TRHDE: variants seen among roughly 807,000 people sequenced by gnomAD.
The protein encoded by TRHDE is thyrotropin-releasing hormone-degrading ectoenzyme.
TRHDE carries 72 observed loss-of-function variants against 125.7 expected under a neutral mutation model. The ratio of observed to expected loss-of-function variants is 0.57; its 90% CI spans 0.47 to 0.70. TRHDE has a LOEUF of 0.70. TRHDE is among the 30% of genes least tolerant of loss of function. The pLI, the probability that TRHDE is intolerant of heterozygous loss-of-function variation, is 0.00. For synonymous variants in TRHDE, 509 were observed against 509.1 expected, an observed-to-expected ratio of 1.00 and a Z score of 0.00; for missense variants, 1,110 against 1,327.1, an observed-to-expected ratio of 0.84 and a Z score of 2.54.
intron 2 of TRHDE, among the ~76,000 whole-genome samples, chr12:72,318,788 A>G (rs187140365): frequency 9.9e-5 from 15 of 152,266 alleles, no homozygotes; most frequent in Admixed American, 5.9e-4. Context: ...ATATGAAATA[A>G]TAAGTACTTA....
intron 2 of TRHDE, among the ~76,000 whole-genome samples, chr12:72,245,983 A>G (rs935634853): frequency 1.3e-5 from 2 of 152,150 alleles, no homozygotes; most frequent in Non-Finnish European, 2.9e-5. Context: ...ACTATATTTA[A>G]CCATCACTAT....
chr12:72,519,664 C>T (rs1477904842), intron 6 of TRHDE, among the ~76,000 whole-genome samples: 3 of 152,328 alleles, frequency 2.0e-5, no homozygotes, highest in Admixed American at 6.5e-5. Flanking sequence ...ATTCTCCGTC[C>T]AGCTTTATTC....
chr12:72,348,904 T>G (rs1870453422), intron 2 of TRHDE, among the ~76,000 whole-genome samples: 1 of 152,084 alleles, frequency 6.6e-6, no homozygotes, highest in Non-Finnish European at 1.5e-5. Context: ...CTTTTTTTGC[T>G]AATAGATTTT....
At chr12:72,301,881 G>A (rs1422661919) in intron 2 of TRHDE, among the ~76,000 whole-genome samples, 1 of 152,134 alleles carries the variant, frequency 6.6e-6, no homozygotes, top group African/African-American at 2.4e-5. Flanking sequence ...CTTAAAAAAG[G>A]TCATTTGCAA....
intron 6 of TRHDE, among the ~76,000 whole-genome samples, chr12:72,531,154 G>T (rs1218137782): frequency 6.6e-6 from 1 of 151,930 alleles, no homozygotes; most frequent in Non-Finnish European, 1.5e-5. Context: ...TCAAAATTTT[G>T]TCTGGTCAGT....
intron 3 of TRHDE, among the ~76,000 whole-genome samples, chr12:72,464,912 T>C (rs1876297146): frequency 6.6e-6 from 1 of 152,178 alleles, no homozygotes; most frequent in Admixed American, 6.5e-5. Flanking sequence ...CATTCACTAG[T>C]ATTATATGAA....
chr12:72,468,907 G>A (rs1345871046), intron 3 of TRHDE, among the ~76,000 whole-genome samples: 4 of 152,130 alleles, frequency 2.6e-5, no homozygotes, highest in Non-Finnish European at 5.9e-5. Context: ...TTTAATATTT[G>A]ATTTATCATC....
chr12:72,655,247 A>AT (rs1254154916), intron 17 of TRHDE, among the ~76,000 whole-genome samples: 1 of 151,910 alleles, frequency 6.6e-6, no homozygotes, highest in Non-Finnish European at 1.5e-5. Flanking sequence ...TAATTTTTCT[A>AT]TTTTTTGTAG....
At chr12:72,162,578 G>A (rs1876659186) in intron 2 of TRHDE, among the ~76,000 whole-genome samples, 1 of 152,190 alleles carries the variant, frequency 6.6e-6, no homozygotes, top group African/African-American at 2.4e-5. Context: ...TTAGCCTGGA[G>A]CCAGTTCCTC....
At chr12:72,358,346 C>G (rs1870915027) in intron 2 of TRHDE, among the ~76,000 whole-genome samples, 1 of 151,550 alleles carries the variant, frequency 6.6e-6, no homozygotes, top group Non-Finnish European at 1.5e-5. Context: ...GTATGAAAGA[C>G]CTTTATGATG....
Position 72,562,856 on chromosome 12 carries a change from T to A in TRHDE, c.1858T>A (p.Leu620Ile). The A allele has an allele frequency of 6.4e-7, 1 of 1,556,104 alleles. No individual in the cohort carries two copies. Among genetic ancestry groups the A allele is most frequent in the South Asian group, 1.3e-5 (1 of 79,966 alleles). Residue 620 changes from leucine (L) to isoleucine (I), a missense_variant, in exon 9 of 19, where the codon TTA (leucine) becomes ATA (isoleucine). This residue lies in a region of TRHDE where 527 missense variants were observed against 651.8 expected (regional missense o/e 0.81). Transcript: ENST00000261180. Reference sequence around the variant, plus strand: ...TTGTACATTTTTCCTTGTGAAGGCTTTAAAAAGAAATGGGAAATATGTAAA... The same window carrying A: ...TTGTACATTTTTCCTTGTGAAGGCTATAAAAAGAAATGGGAAATATGTAAA... ...NDLWNTLSEA[L>I]KRNGKYVNIQ...
intron 2 of TRHDE, among the ~76,000 whole-genome samples, chr12:72,331,279 A>G (rs916891748): frequency 1.1e-4 from 17 of 152,226 alleles, no homozygotes; most frequent in African/African-American, 4.1e-4. Flanking sequence ...GCTAACCACT[A>G]TCCCATAGCA....
At chr12:72,550,302 C>G (rs946143594) in intron 7 of TRHDE, among the ~76,000 whole-genome samples, 2 of 151,958 alleles carry the variant, frequency 1.3e-5, no homozygotes, top group African/African-American at 4.8e-5. Flanking sequence ...GTCTCTGACT[C>G]TTTGTACACA....
Position 72,505,407 on chromosome 12 carries a change from C to G in TRHDE, c.1722+5772C>G, listed in dbSNP as rs554807708. Reference sequence around the variant, plus strand: ...GATGGATTGAGACAGTCTCTTTGTTCTAAAAGCACAAAGGAAACAAGAATC... The same window carrying G: ...GATGGATTGAGACAGTCTCTTTGTTGTAAAAGCACAAAGGAAACAAGAATC... On this transcript the variant is annotated intron_variant, in intron 6 of 18. Coordinates refer to ENST00000261180, the MANE Select transcript of TRHDE (RefSeq NM_013381.3). Among the ~76,000 whole-genome samples the G allele has an allele frequency of 4.7e-4, 71 of 152,202 alleles. 1 individual carries two copies. Among genetic ancestry groups the G allele is most frequent in the Admixed American group, 2.0e-3 (30 of 15,276 alleles).
intron 2 of TRHDE, among the ~76,000 whole-genome samples, chr12:72,339,371 T>C (rs1286874715): frequency 6.6e-6 from 1 of 152,202 alleles, no homozygotes; most frequent in East Asian, 1.9e-4. Context: ...TATTATTTCT[T>C]ATCTTCAAGA....
intron 6 of TRHDE, among the ~76,000 whole-genome samples, chr12:72,533,605 TTTC>T (rs1868678208): frequency 6.6e-6 from 1 of 152,010 alleles, no homozygotes; most frequent in African/African-American, 2.4e-5. Flanking sequence ...TTATTCTCCT[TTTC>T]TTCTTTTTTA....
chr12:72,108,197 T>C (rs1875233148), intron 2 of TRHDE, among the ~76,000 whole-genome samples: 1 of 152,056 alleles, frequency 6.6e-6, no homozygotes. Context: ...AAAGTGATAT[T>C]GTTGATTGTA....
rs570314742 is a variant in TRHDE at position 72,393,368 on chromosome 12, C to T, written c.1315+15247C>T. On this transcript the variant is annotated intron_variant, in intron 3 of 18. Transcript: ENST00000261180. ...CAAATTACTAAGTCCAAGCCTCATG[C>T]GTAGGCCACTGCAGTCCCTGTTTCA... Among the ~76,000 whole-genome samples the T allele has an allele frequency of 5.3e-5, 8 of 152,202 alleles. No homozygotes were observed. The South Asian group carries it at 1.0e-3, about 20-fold the overall frequency.
At chr12:72,373,423 CTA>C (rs1871711156) in intron 2 of TRHDE, among the ~76,000 whole-genome samples, 1 of 152,126 alleles carries the variant, frequency 6.6e-6, no homozygotes, top group African/African-American at 2.4e-5. Context: ...ACTTCCAACA[CTA>C]TGTTGAATAG....
Sources: gnomAD v4.1 joint callset for allele counts (sites outside exome capture counted in the v4.1 genomes callset) on GRCh38, gnomAD v4.1.1 for gene constraint, gnomAD v4.1.1 regional missense constraint, MANE v1.5 for transcripts, NCBI Gene and HGNC (gene_info 2026-07-23, HGNC 2026-07-21) for gene names.